Variants in PRKAR1A observed in about 807,000 individuals in gnomAD.
PRKAR1A encodes the protein cAMP-dependent protein kinase type I-alpha regulatory subunit.
Under a neutral mutation model 52.0 loss-of-function variants are expected in PRKAR1A, and 3 were observed. The observed-to-expected ratio is 0.06, with a 90% confidence interval of 0.03 to 0.15. PRKAR1A has a LOEUF of 0.15. PRKAR1A is among the 10% of genes least tolerant of loss of function. The pLI, the probability that PRKAR1A is intolerant of heterozygous loss-of-function variation, is 1.00. For synonymous variants in PRKAR1A, 188 were observed against 168.4 expected (o/e 1.12, Z -0.90); for missense variants, 240 against 477.4 (o/e 0.50, Z 4.63).
the PRKAR1A span, among the ~76,000 whole-genome samples, chr17:68,472,700 C>G: frequency 6.6e-6 from 1 of 152,064 alleles, no homozygotes; most frequent in Admixed American, 6.5e-5. Context: ...AATCCCAGCA[C>G]TTTGGGAGGC....
intron 2 of PRKAR1A, among the ~76,000 whole-genome samples, chr17:68,516,425 G>A (rs1274467538): frequency 6.6e-6 from 1 of 152,008 alleles, no homozygotes; most frequent in Non-Finnish European, 1.5e-5. Flanking sequence ...GCATGTGGAA[G>A]TTATGAGGTG....
the PRKAR1A span, among the ~76,000 whole-genome samples, chr17:68,497,152 G>A: frequency 6.6e-6 from 1 of 152,100 alleles, no homozygotes; most frequent in Non-Finnish European, 1.5e-5. Context: ...AAACAAGCTC[G>A]AATGGAGAAT....
downstream of PRKAR1A, chr17:68,537,294 G>A (rs1309609163): frequency 1.0e-5 from 8 of 799,076 alleles, no homozygotes; most frequent in Admixed American, 2.0e-5. This position sits in a 1 kb window ranked among gnomAD's most constrained non-coding sequence, Gnocchi z 4.2. Flanking sequence ...CGACAGAAGC[G>A]GTGCACCAAG....
At chr17:68,429,981 T>G in the PRKAR1A span, 3 of 1,613,890 alleles carry the variant, frequency 1.9e-6, no homozygotes, top group Non-Finnish European at 2.5e-6. Flanking sequence ...TCAGAGTGGG[T>G]GTCATTGTAC....
downstream of PRKAR1A, chr17:68,537,619 A>C: frequency 6.2e-7 from 1 of 1,613,754 alleles, no homozygotes; most frequent in South Asian, 1.1e-5. The surrounding 1 kb of genome is among the most constrained non-coding windows in gnomAD (Gnocchi z 4.2). Flanking sequence ...CAGGGCAAGG[A>C]GGTGGGGTTC....
chr17:68,521,269 G>A (rs138154832), intron 2 of PRKAR1A, among the ~76,000 whole-genome samples: 1 of 152,020 alleles, frequency 6.6e-6, no homozygotes, highest in Admixed American at 6.6e-5. Flanking sequence ...TCACTCTGTT[G>A]CCCAGGCCTG....
the PRKAR1A span, among the ~76,000 whole-genome samples, chr17:68,488,801 G>GTTC: frequency 6.6e-6 from 1 of 150,836 alleles, no homozygotes; most frequent in Non-Finnish European, 1.5e-5. Flanking sequence ...CTGCCACATG[G>GTTC]TTCTATAAAG....
At chr17:68,459,339 C>A in the PRKAR1A span, among the ~76,000 whole-genome samples, 1 of 152,210 alleles carries the variant, frequency 6.6e-6, no homozygotes, top group African/African-American at 2.4e-5. Flanking sequence ...TGGAGAATTA[C>A]ATGAAGTGTA....
the PRKAR1A span, chr17:68,426,243 GGGGA>G: frequency 1.7e-4 from 159 of 935,214 alleles, no homozygotes; most frequent in Non-Finnish European, 2.3e-4. Context: ...CCTGGCGGGT[GGGGA>G]GCGGGGGCTC....
chr17:68,515,149 T>A (rs2085390113), intron 1 of PRKAR1A: 1 of 512,758 alleles, frequency 2.0e-6, no homozygotes, highest in East Asian at 3.5e-5. Context: ...TCCCAGGAGC[T>A]GAGGTTATCG....
chr17:68,526,285 CA>C (rs1192095996), intron 7 of PRKAR1A, among the ~76,000 whole-genome samples: 4 of 152,180 alleles, frequency 2.6e-5, no homozygotes, highest in African/African-American at 4.8e-5. Flanking sequence ...TGGGGCCATT[CA>C]GAAATAATCA....
At chr17:68,425,113 G>C in the PRKAR1A span, among the ~76,000 whole-genome samples, 4 of 152,226 alleles carry the variant, frequency 2.6e-5, no homozygotes, top group Non-Finnish European at 5.9e-5. Flanking sequence ...CTAGCTGTGG[G>C]AACAGGCTGA....
At chr17:68,533,496 T>C, downstream of PRKAR1A, 2 of 863,508 alleles carry the variant, frequency 2.3e-6, no homozygotes, top group Non-Finnish European at 2.8e-6. Flanking sequence ...AAGTAGACTC[T>C]TTTTTTTGTT....
the PRKAR1A span, among the ~76,000 whole-genome samples, chr17:68,444,061 T>C: frequency 6.6e-6 from 1 of 152,348 alleles, no homozygotes; most frequent in African/African-American, 2.4e-5. Flanking sequence ...TAAAACATAT[T>C]CTTTATGGTT....
intron 11 of PRKAR1A, among the ~76,000 whole-genome samples, chr17:68,547,397 A>G (rs1470173817): frequency 6.6e-6 from 1 of 152,158 alleles, no homozygotes; most frequent in Non-Finnish European, 1.5e-5. Flanking sequence ...TTCTCTAGCT[A>G]TGGGGAAAGT....
rs905452791 is a variant in PRKAR1A, at chr17:68,551,042, T to G, written c.974-42T>G. 7.3e-6 allele frequency: 9 copies of G among 1,226,132 alleles called. No homozygotes were observed. The South Asian group carries it at 3.3e-4, about 45-fold the overall frequency. The allele number at this position is 1,226,132 out of a possible 1,614,324, so 76.0% of individuals were successfully genotyped here. ...GCACATTCTGGAGGAAAGCATGACTTGGGTAACGTGGCCCCTCTTGGGGCG... is the reference window on the plus strand; with the variant it reads ...GCACATTCTGGAGGAAAGCATGACTGGGGTAACGTGGCCCCTCTTGGGGCG... On this transcript the variant is annotated intron_variant, in intron 11 of 11. Coordinates refer to the PRKAR1A transcript ENST00000585981.
At chr17:68,434,913 A>C in the PRKAR1A span, among the ~76,000 whole-genome samples, 1 of 152,052 alleles carries the variant, frequency 6.6e-6, no homozygotes, top group Non-Finnish European at 1.5e-5. Context: ...TTAGAATTTC[A>C]ATTTGAGGCC....
At chr17:68,501,447 C>T in the PRKAR1A span, among the ~76,000 whole-genome samples, 1 of 152,136 alleles carries the variant, frequency 6.6e-6, no homozygotes, top group Non-Finnish European at 1.5e-5. Flanking sequence ...GATTTCAAAA[C>T]CCTCAGCATT....
the PRKAR1A span, among the ~76,000 whole-genome samples, chr17:68,425,762 G>C: frequency 3.9e-4 from 59 of 152,150 alleles, no homozygotes; most frequent in African/African-American, 1.3e-3. Context: ...TACCTTCCAG[G>C]CAGCAAAGTC....
Sources: allele counts gnomAD v4.1 joint callset (sites outside exome capture counted in the v4.1 genomes callset), GRCh38; gene constraint gnomAD v4.1.1; non-coding constraint Gnocchi (gnomAD v3.1); transcripts MANE v1.5; gene names NCBI Gene and HGNC (gene_info 2026-07-23, HGNC 2026-07-21).